The following PRKD3 variants were observed in gnomAD, a reference collection of about 807,000 sequenced individuals.
PRKD3 encodes serine/threonine-protein kinase D3.
PRKD3 carries 47 observed loss-of-function variants against 99.2 expected under a neutral mutation model. The observed-to-expected ratio is 0.47, with a 90% CI of 0.38 to 0.60. The LOEUF (loss-of-function observed/expected upper bound fraction) is 0.60, where lower values mean the gene tolerates loss of function less well. Among genes scored for constraint, PRKD3 ranks in the 20% least tolerant of loss-of-function variants. PRKD3 has a pLI of 0.00. For synonymous variants in PRKD3, 392 were observed against 355.4 expected, an observed-to-expected ratio of 1.10 and a Z score of -1.16; for missense variants, 1,019 against 1,088.4, an observed-to-expected ratio of 0.94 and a Z score of 0.90.
intron 14 of PRKD3, among the ~76,000 whole-genome samples, chr2:37,261,959 G>C (rs892961595): frequency 2.6e-5 from 4 of 152,248 alleles, no homozygotes; most frequent in Admixed American, 2.0e-4. Context: ...CAACACATTA[G>C]TGTAAAATGG....
At chr2:37,265,326 T>C (rs1042831546) in intron 14 of PRKD3, among the ~76,000 whole-genome samples, 17 of 152,228 alleles carry the variant, frequency 1.1e-4, no homozygotes, top group African/African-American at 3.9e-4. Flanking sequence ...CTAAATCTTA[T>C]GAAACTAATT....
chr2:37,268,053 C>T, intron 13 of PRKD3: 1 of 194,566 alleles, frequency 5.1e-6, no homozygotes. Flanking sequence ...ACAGTCATTC[C>T]CTCATTTATT....
chr2:37,294,365 G>C (rs1670584144), intron 2 of PRKD3, among the ~76,000 whole-genome samples: 1 of 151,934 alleles, frequency 6.6e-6, no homozygotes, highest in African/African-American at 2.4e-5. Context: ...CAAAGTGCTG[G>C]GATTAGAGGC....
At chr2:37,296,929 TA>T (rs1670702284) in intron 2 of PRKD3, among the ~76,000 whole-genome samples, 1 of 147,066 alleles carries the variant, frequency 6.8e-6, no homozygotes, top group African/African-American at 2.5e-5. Context: ...AAAAATTATG[TA>T]AGAGTCTAAA....
intron 1 of PRKD3, among the ~76,000 whole-genome samples, chr2:37,323,108 CTG>C (rs931145785): frequency 4.6e-5 from 7 of 151,508 alleles, no homozygotes; most frequent in African/African-American, 1.7e-4. Flanking sequence ...TTATGAAGTT[CTG>C]TGTGTGTGGC....
intron 3 of PRKD3, among the ~76,000 whole-genome samples, chr2:37,292,046 G>C (rs1670454677): frequency 6.6e-6 from 1 of 152,194 alleles, no homozygotes; most frequent in Non-Finnish European, 1.5e-5. Context: ...GTAGAAAAAA[G>C]CCCAGTGGGA....
In PRKD3 at chr2:37,274,294, C is replaced by G. The variant is rs1332487449; in HGVS notation, c.1651+127G>C. The stretch of plus-strand genomic sequence containing the variant: ...AAGAGTTAACTAATTGTATTGGTTA[C>G]TAAAGTATTGGTTACTAAAGACTAA... On this transcript the variant is annotated intron_variant, in intron 11 of 18. Coordinates refer to ENST00000234179, the MANE Select transcript of PRKD3 (RefSeq NM_005813.6). The G allele has an allele frequency of 3.8e-6, 4 of 1,054,900 alleles. No homozygotes were observed. The African/African-American group carries it at 6.5e-5, about 17-fold the overall frequency. 65.3% of individuals were successfully genotyped at this position (1,054,900 alleles called of 1,614,324 possible).
chr2:37,259,492 A>T, intron 16 of PRKD3, 91 bp downstream of exon 16: 1 of 887,022 alleles, frequency 1.1e-6, no homozygotes, highest in Non-Finnish European at 1.7e-6. Flanking sequence ...ATGCATTTTT[A>T]ACCAACAGTA....
chr2:37,259,624 G>A lies in PRKD3; in HGVS notation c.2104C>T (p.Pro702Ser). The change falls in exon 16 of 19, where the codon CCA (proline) becomes TCA (serine). Residue 702 changes from proline to serine, a missense_variant. Around this residue, in one of 3 missense-constraint regions of PRKD3, gnomAD observed 184 missense variants for 275.1 expected, o/e 0.67. Coordinates refer to ENST00000234179, the MANE Select transcript of PRKD3 (RefSeq NM_005813.6). ...GCTGATGCAAGCAGCACATTTTCTG[G>A]CTTTAAATCACAGTGCACAATATTC... ...FKNIVHCDLKPENVLLASAEP... is the reference protein window; with the variant it reads ...FKNIVHCDLKSENVLLASAEP... 2 of 1,613,404 alleles carry A rather than the reference G, an allele frequency of 1.2e-6. No homozygotes were observed. Among genetic ancestry groups the A allele is most frequent in the Non-Finnish European group, 1.7e-6 (2 of 1,179,452 alleles).
chr2:37,265,945 T>C (rs1450322810), intron 14 of PRKD3, among the ~76,000 whole-genome samples: 2 of 152,190 alleles, frequency 1.3e-5, no homozygotes, highest in African/African-American at 4.8e-5. Flanking sequence ...AAGAAATCAA[T>C]CCATAGGAAT....
intron 2 of PRKD3, among the ~76,000 whole-genome samples, chr2:37,313,897 A>G (rs1451496911): frequency 1.3e-5 from 2 of 152,232 alleles, no homozygotes; most frequent in African/African-American, 4.8e-5. Flanking sequence ...TTATCAGGAC[A>G]TAACTGTAAG....
intron 17 of PRKD3, among the ~76,000 whole-genome samples, chr2:37,256,057 T>C (rs920963177): frequency 6.6e-6 from 1 of 152,142 alleles, no homozygotes; most frequent in Non-Finnish European, 1.5e-5. Context: ...TTTTTTAGCC[T>C]AAGTAAATTC....
chr2:37,256,618 C>G (rs1306006308), intron 17 of PRKD3, 44 bp downstream of exon 17: 1 of 1,448,006 alleles, frequency 6.9e-7, no homozygotes, highest in East Asian at 2.6e-5. Flanking sequence ...GCTTAAAACA[C>G]ATAGCCAAAA....
chr2:37,253,418 T>G, intron 18 of PRKD3, 68 bp from the exon 19 acceptor site: 1 of 1,420,480 alleles, frequency 7.0e-7, no homozygotes, highest in Non-Finnish European at 9.5e-7. Context: ...GTTTTTGTTT[T>G]GTGTTTTTTT....
At position 37,298,020 on chromosome 2, in the gene PRKD3, A is replaced by G. The variant is rs574561253; in HGVS notation, c.289-4749T>C. On this transcript the variant is annotated intron_variant, in intron 2 of 18. Coordinates refer to ENST00000234179, the MANE Select transcript of PRKD3 (RefSeq NM_005813.6). ...ACATAAATTATTTGAAAATCTTCCA[A>G]ATGGGAGATTTATCTATTTTCCCCC... Among the ~76,000 whole-genome samples, 25 of 152,258 alleles carry G rather than the reference A, an allele frequency of 1.6e-4. No homozygotes were observed. The South Asian group carries it at 4.6e-3, about 28-fold the overall frequency.
At chr2:37,293,764 T>C (rs1670553763) in intron 2 of PRKD3, among the ~76,000 whole-genome samples, 2 of 152,228 alleles carry the variant, frequency 1.3e-5, no homozygotes, top group Non-Finnish European at 2.9e-5. Flanking sequence ...CTAATATGAA[T>C]CAGTTTCACT....
chr2:37,286,680 T>C (rs1391739954), intron 5 of PRKD3, among the ~76,000 whole-genome samples: 1 of 152,184 alleles, frequency 6.6e-6, no homozygotes, highest in Non-Finnish European at 1.5e-5. Context: ...TTAAAACAAA[T>C]AAATGAAGAA....
intron 2 of PRKD3, among the ~76,000 whole-genome samples, chr2:37,308,433 TTTTTC>T (rs1671260312): frequency 6.6e-6 from 1 of 152,144 alleles, no homozygotes; most frequent in African/African-American, 2.4e-5. Flanking sequence ...TGGTGTCATA[TTTTTC>T]TTTTGAGACA....
At chr2:37,287,856 T>C (rs2124826636) in intron 5 of PRKD3, among the ~76,000 whole-genome samples, 1 of 152,338 alleles carries the variant, frequency 6.6e-6, no homozygotes. Flanking sequence ...TTCTTTAATT[T>C]TGCTTTTTGT....
Sources: allele counts gnomAD v4.1 joint callset (sites outside exome capture counted in the v4.1 genomes callset), GRCh38; gene constraint gnomAD v4.1.1; regional missense constraint gnomAD v4.1.1; transcripts MANE v1.5; gene names NCBI Gene and HGNC (gene_info 2026-07-23, HGNC 2026-07-21).